Variants in ITGB1 observed in about 807,000 individuals in gnomAD.
ITGB1 encodes the protein integrin beta-1.
In ITGB1, 24 loss-of-function variants were observed where a neutral mutation model predicts 86.5. The observed-to-expected ratio is 0.28, with a 90% CI of 0.20 to 0.39. The LOEUF is 0.39. ITGB1 is among the 10% of genes least tolerant of loss of function. The pLI is 1.00. For synonymous variants in ITGB1, 323 were observed against 316.8 expected (o/e 1.02, Z -0.21); for missense variants, 556 against 946.9 (o/e 0.59, Z 5.42).
chr10:32,949,139 TATG>T (rs1343933516), intron 1 of ITGB1, among the ~76,000 whole-genome samples: 1 of 152,138 alleles, frequency 6.6e-6, no homozygotes, highest in African/African-American at 2.4e-5. Context: ...TTCAAATGGA[TATG>T]ATAATAATAA....
chr10:32,941,307 A>G (rs1593881607), intron 1 of ITGB1, among the ~76,000 whole-genome samples: 1 of 152,378 alleles, frequency 6.6e-6, no homozygotes, highest in South Asian at 2.1e-4. Flanking sequence ...ATAGAAAAAA[A>G]GACTAGAAAA....
At chr10:32,902,377 T>C (rs1178766229) in intron 15 of ITGB1, among the ~76,000 whole-genome samples, 9 of 152,222 alleles carry the variant, frequency 5.9e-5, no homozygotes, top group African/African-American at 2.2e-4. Context: ...ACAGTGATGT[T>C]TTAAGCAGAA....
chr10:32,931,281 A>T (rs1254382408), intron 3 of ITGB1, among the ~76,000 whole-genome samples: 3 of 152,138 alleles, frequency 2.0e-5, no homozygotes, highest in Non-Finnish European at 4.4e-5. Flanking sequence ...AATTTCACTG[A>T]ATATATTCAG....
At chr10:32,905,805 C>A (rs2094894680) in intron 15 of ITGB1, among the ~76,000 whole-genome samples, 1 of 152,188 alleles carries the variant, frequency 6.6e-6, no homozygotes, top group African/African-American at 2.4e-5. Flanking sequence ...TCTTTATCTG[C>A]ACAATAAGGT....
chr10:32,944,594 A>G (rs1048583895), intron 1 of ITGB1: 1 of 546,806 alleles, frequency 1.8e-6, no homozygotes, highest in Non-Finnish European at 3.6e-6. Flanking sequence ...AGATGATGTC[A>G]TGACTCAGCT....
At chr10:32,918,514 A>G (rs955150291) in intron 11 of ITGB1, among the ~76,000 whole-genome samples, 21 of 152,148 alleles carry the variant, frequency 1.4e-4, no homozygotes, top group African/African-American at 5.1e-4. Flanking sequence ...CACATGTGCA[A>G]GCAGGGACAA....
chr10:32,944,123 G>A (rs2095025580), intron 1 of ITGB1, among the ~76,000 whole-genome samples: 1 of 152,232 alleles, frequency 6.6e-6, no homozygotes, highest in African/African-American at 2.4e-5. Context: ...AGTCAGCCAG[G>A]AGTGAGCCAC....
chr10:32,928,728 ATAAT>A (rs2094973382), intron 4 of ITGB1, among the ~76,000 whole-genome samples: 1 of 151,420 alleles, frequency 6.6e-6, no homozygotes, highest in African/African-American at 2.4e-5. Context: ...AGCTTTAAAA[ATAAT>A]TATTTATTTA....
At chr10:32,928,751 T>A (rs1328026430) in intron 4 of ITGB1, among the ~76,000 whole-genome samples, 1 of 150,610 alleles carries the variant, frequency 6.6e-6, no homozygotes, top group Non-Finnish European at 1.5e-5. Context: ...TATTATTATT[T>A]ATTATTTATT....
At position 32,944,910 on chromosome 10, in the gene ITGB1, A is replaced by G. The variant is rs1207055717; in HGVS notation, c.1-9352T>C. On this transcript the variant is annotated intron_variant, in intron 1 of 15. Transcript: ENST00000302278. Reference sequence around the variant, plus strand: ...ACGGTTATCAAAAGACTAAAGGCTTATGAAGCCCAAACAAAGCCAGTCCTG... The same window carrying G: ...ACGGTTATCAAAAGACTAAAGGCTTGTGAAGCCCAAACAAAGCCAGTCCTG... The G allele has an allele frequency of 3.7e-6, 5 of 1,334,210 alleles. No homozygotes were observed. In the Admixed American group the frequency reaches 8.7e-5, roughly 23 times the overall value. The allele number at this position is 1,334,210 out of a possible 1,614,324, so 82.6% of individuals were successfully genotyped here. A position where few individuals can be genotyped will look rare whatever the true frequency, so the allele number is the denominator to read the frequency against.
At chr10:32,926,207 G>A in intron 5 of ITGB1, 98 bp from the exon 6 acceptor site, 3 of 912,432 alleles carry the variant, frequency 3.3e-6, no homozygotes, top group Non-Finnish European at 5.2e-6. Flanking sequence ...GTTACCAAAT[G>A]TAGGTTACTA....
At chr10:32,915,701 C>G (rs2094929383) in intron 11 of ITGB1, among the ~76,000 whole-genome samples, 1 of 152,100 alleles carries the variant, frequency 6.6e-6, no homozygotes, top group African/African-American at 2.4e-5. Flanking sequence ...AAGTCCAAGA[C>G]CAGACGGATT....
At chr10:32,905,700 T>C (rs2094894279) in intron 15 of ITGB1, among the ~76,000 whole-genome samples, 1 of 152,220 alleles carries the variant, frequency 6.6e-6, no homozygotes, top group Admixed American at 6.5e-5. Flanking sequence ...ATGTAAAACA[T>C]TCCTACAACT....
chr10:32,948,511 C>T (rs1013144219), intron 1 of ITGB1, among the ~76,000 whole-genome samples: 2 of 152,208 alleles, frequency 1.3e-5, no homozygotes, highest in Admixed American at 1.3e-4. Context: ...ATGCTTTGAA[C>T]GTGTCCCCAA....
chr10:32,905,721 A>C (rs1229026976), intron 15 of ITGB1, among the ~76,000 whole-genome samples: 1 of 152,228 alleles, frequency 6.6e-6, no homozygotes, highest in African/African-American at 2.4e-5. Flanking sequence ...TTCACTATGA[A>C]GATTAAACAC....
rs1375396325 is a variant in ITGB1 at position 32,948,219 on chromosome 10, G to A, written c.-1+9926C>T. Among the ~76,000 whole-genome samples the A allele has an allele frequency of 2.0e-5, 3 of 152,182 alleles. No homozygotes were observed. In the East Asian group the frequency reaches 5.8e-4, roughly 29 times the overall value. On this transcript the variant is annotated intron_variant, in intron 1 of 15. Transcript: ENST00000302278. ...TCTTTATAGATTCCACATCCAAGTA[G>A]AATTCTATTTAATGTGCTTTCTAAC...
intron 15 of ITGB1, among the ~76,000 whole-genome samples, chr10:32,902,918 C>CT (rs1193140896): frequency 6.6e-6 from 1 of 152,020 alleles, no homozygotes; most frequent in East Asian, 1.9e-4. Context: ...AAGTTATTAA[C>CT]TTTAAGAAGA....
At chr10:32,908,041 T>A (rs2094902025) in intron 15 of ITGB1, among the ~76,000 whole-genome samples, 1 of 152,170 alleles carries the variant, frequency 6.6e-6, no homozygotes, top group African/African-American at 2.4e-5. Flanking sequence ...TTCCATTGAA[T>A]AGCTTGCTAC....
chr10:32,928,932 T>C (rs1411550196), intron 4 of ITGB1, among the ~76,000 whole-genome samples: 3 of 152,010 alleles, frequency 2.0e-5, no homozygotes, highest in Non-Finnish European at 2.9e-5. Flanking sequence ...TTTTAACTTG[T>C]AGTTTTCTCT....
Sources: allele counts gnomAD v4.1 joint callset (sites outside exome capture counted in the v4.1 genomes callset), GRCh38; gene constraint gnomAD v4.1.1; transcripts MANE v1.5; gene names NCBI Gene and HGNC (gene_info 2026-07-23, HGNC 2026-07-21).